The following DAB1 variants were observed in gnomAD, a reference collection of about 807,000 sequenced individuals.
DAB1 encodes the protein disabled homolog 1.
In DAB1, 15 loss-of-function variants were observed where a neutral mutation model predicts 64.6. The ratio of observed to expected loss-of-function variants is 0.23; its 90% CI spans 0.16 to 0.36. DAB1 has a LOEUF of 0.36. Ranked by LOEUF, DAB1 falls within the 10% of genes least tolerant of loss-of-function variation. DAB1 has a pLI of 1.00. For synonymous variants in DAB1, 235 were observed against 251.9 expected (o/e 0.93, Z 0.64); for missense variants, 596 against 706.7 (o/e 0.84, Z 1.78).
intron 4 of DAB1, among the ~76,000 whole-genome samples, chr1:57,130,390 C>G (rs1218236315): frequency 6.6e-6 from 1 of 151,966 alleles, no homozygotes; most frequent in Non-Finnish European, 1.5e-5. Flanking sequence ...ACCTTATGAC[C>G]CAGAAATCCC....
At chr1:57,584,578 G>A (rs1209510861) in intron 7 of DAB1, among the ~76,000 whole-genome samples, 12 of 152,062 alleles carry the variant, frequency 7.9e-5, no homozygotes, top group Admixed American at 7.9e-4. Context: ...CCCTCCCTGG[G>A]ATATCCTAAT....
At chr1:58,225,929 G>A (rs1030940538) in intron 4 of DAB1, among the ~76,000 whole-genome samples, 6 of 144,902 alleles carry the variant, frequency 4.1e-5, no homozygotes, top group African/African-American at 1.5e-4. Context: ...CCTGCACGTT[G>A]TGCACATGTA....
chr1:57,409,293 A>C (rs1570469608), intron 1 of DAB1, among the ~76,000 whole-genome samples: 1 of 152,078 alleles, frequency 6.6e-6, no homozygotes, highest in African/African-American at 2.4e-5. Context: ...AGTTCTTCCA[A>C]CACCTTTGTA....
rs183957229 is a variant in DAB1 at position 57,535,547 on chromosome 1, G to T, written n.625+114045C>A. ...TGCTGTGGCGTGATCTTAGTTCACTGAAACTCCCTGGTTCAAGCAATTCTC... is the reference window on the plus strand; with the variant it reads ...TGCTGTGGCGTGATCTTAGTTCACTTAAACTCCCTGGTTCAAGCAATTCTC... On this transcript the variant is annotated intron_variant and non_coding_transcript_variant, in intron 7 of 20. Transcript: ENST00000485760. 4.2e-5 allele frequency among the ~76,000 whole-genome samples: 6 copies of T among 144,286 alleles called. No individual in the cohort carries two copies. In the East Asian group the frequency reaches 1.2e-3, roughly 30 times the overall value. 94.7% of individuals were successfully genotyped at this position (144,286 alleles called of 152,430 possible). A position where few individuals can be genotyped will look rare whatever the true frequency, so the allele number is the denominator to read the frequency against.
At chr1:57,086,652 C>CACAT (rs1185392799) in intron 4 of DAB1, among the ~76,000 whole-genome samples, 1 of 146,212 alleles carries the variant, frequency 6.8e-6, no homozygotes, top group Non-Finnish European at 1.5e-5. Flanking sequence ...TAAACACACA[C>CACAT]ACACACACAC....
At chr1:58,318,861 G>A (rs1409274589) in intron 4 of DAB1, among the ~76,000 whole-genome samples, 1 of 152,148 alleles carries the variant, frequency 6.6e-6, no homozygotes, top group Non-Finnish European at 1.5e-5. Context: ...TTTCCGAGGT[G>A]CCGAATGTAA....
intron 3 of DAB1, among the ~76,000 whole-genome samples, chr1:58,345,820 TC>T (rs1643990131): frequency 6.6e-6 from 1 of 152,144 alleles, no homozygotes; most frequent in Non-Finnish European, 1.5e-5. Context: ...GCTAGGAGGT[TC>T]ATTTCATCTA....
intron 1 of DAB1, among the ~76,000 whole-genome samples, chr1:57,882,089 C>A (rs1221803124): frequency 2.6e-5 from 4 of 152,086 alleles, no homozygotes; most frequent in East Asian, 1.9e-4. Context: ...AAGAGAGATT[C>A]TTGTGCCACA....
chr1:58,049,204 G>C (rs1304048821), intron 5 of DAB1: 1 of 768,902 alleles, frequency 1.3e-6, no homozygotes, highest in African/African-American at 1.7e-5. Context: ...TGGCTTCTCA[G>C]GTTCTCATCA....
intron 3 of DAB1, among the ~76,000 whole-genome samples, chr1:58,353,100 C>G (rs1644074448): frequency 6.6e-6 from 1 of 152,050 alleles, no homozygotes; most frequent in Non-Finnish European, 1.5e-5. Context: ...ACCAAGAAAC[C>G]CTCATGCCAC....
chr1:57,245,215 C>T (rs1368252518), intron 2 of DAB1, among the ~76,000 whole-genome samples: 1 of 152,108 alleles, frequency 6.6e-6, no homozygotes, highest in Non-Finnish European at 1.5e-5. Flanking sequence ...GCATTTTGCC[C>T]CTGCCCTAGA....
chr1:57,968,634 G>C (rs1273453039), intron 5 of DAB1, among the ~76,000 whole-genome samples: 1 of 152,110 alleles, frequency 6.6e-6, no homozygotes, highest in Non-Finnish European at 1.5e-5. Flanking sequence ...CATTTTTTGT[G>C]CGTGTTCTTT....
intron 4 of DAB1, among the ~76,000 whole-genome samples, chr1:57,093,990 T>C (rs994878191): frequency 4.0e-5 from 6 of 151,480 alleles, no homozygotes; most frequent in Non-Finnish European, 7.4e-5. Flanking sequence ...ACGCCTGTAA[T>C]ACCAGCTATG....
chr1:58,099,138 C>T (rs1440493007), intron 5 of DAB1, among the ~76,000 whole-genome samples: 1 of 152,178 alleles, frequency 6.6e-6, no homozygotes, highest in Non-Finnish European at 1.5e-5. Flanking sequence ...CTTTTCCATC[C>T]ATGAGCCATG....
chr1:57,571,928 C>G (rs1057388267), intron 7 of DAB1, among the ~76,000 whole-genome samples: 2 of 152,130 alleles, frequency 1.3e-5, no homozygotes, highest in African/African-American at 2.4e-5. Flanking sequence ...ATGGGGTGAT[C>G]TGGAGAACCA....
intron 5 of DAB1, among the ~76,000 whole-genome samples, chr1:58,138,199 C>T (rs1654055176): frequency 6.6e-6 from 1 of 152,024 alleles, no homozygotes; most frequent in Non-Finnish European, 1.5e-5. Flanking sequence ...ACTTCTATAC[C>T]TTCACTTCAT....
chr1:58,222,378 TC>T (rs1405954068), intron 4 of DAB1, among the ~76,000 whole-genome samples: 1 of 152,208 alleles, frequency 6.6e-6, no homozygotes, highest in African/African-American at 2.4e-5. Flanking sequence ...AGATGGATGT[TC>T]ATTGCACCAA....
At chr1:58,103,541 C>T (rs1371461120) in intron 5 of DAB1, among the ~76,000 whole-genome samples, 2 of 152,160 alleles carry the variant, frequency 1.3e-5, no homozygotes, top group African/African-American at 4.8e-5. Context: ...GTATGACTGA[C>T]TGATTTTCTT....
At chr1:57,299,374 T>C (rs1451740884) in intron 1 of DAB1, among the ~76,000 whole-genome samples, 1 of 152,218 alleles carries the variant, frequency 6.6e-6, no homozygotes, top group East Asian at 1.9e-4. Flanking sequence ...AGCATTCTTG[T>C]TATTCAGACA....
Sources: gnomAD v4.1 joint callset for allele counts (sites outside exome capture counted in the v4.1 genomes callset) on GRCh38, gnomAD v4.1.1 for gene constraint, MANE v1.5 for transcripts, NCBI Gene and HGNC (gene_info 2026-07-23, HGNC 2026-07-21) for gene names.